Variants in SLC39A10 observed in about 807,000 individuals in gnomAD.
The protein encoded by SLC39A10 is solute carrier family 39 member 10, also known as zinc transporter ZIP10.
A neutral mutation model predicts 65.1 loss-of-function variants in SLC39A10; 13 were observed. The ratio of observed to expected loss-of-function variants is 0.20; its 90% CI spans 0.13 to 0.32. The LOEUF (loss-of-function observed/expected upper bound fraction) is 0.32, where lower values mean the gene tolerates loss of function less well. Ranked by LOEUF, SLC39A10 falls within the 10% of genes least tolerant of loss-of-function variation. The pLI is 1.00. For missense variants in SLC39A10, 831 were observed against 1,018.4 expected, an observed-to-expected ratio of 0.82 and a Z score of 2.50; for synonymous variants, 321 against 342.2, an observed-to-expected ratio of 0.94 and a Z score of 0.68.
At chr2:195,703,906 G>A (rs1302263068) in intron 3 of SLC39A10, among the ~76,000 whole-genome samples, 6 of 152,158 alleles carry the variant, frequency 3.9e-5, no homozygotes, top group Admixed American at 2.0e-4. Context: ...TGTCTGCCTC[G>A]ACCTCCCAAA....
chr2:195,730,986 C>G (rs1692416389), intron 9 of SLC39A10, among the ~76,000 whole-genome samples: 1 of 152,166 alleles, frequency 6.6e-6, no homozygotes, highest in Non-Finnish European at 1.5e-5. Flanking sequence ...CAAGCCACCA[C>G]CATCTTTCTC....
chr2:195,623,318 G>A (rs1688389059), intron 2 of SLC39A10, among the ~76,000 whole-genome samples: 1 of 152,146 alleles, frequency 6.6e-6, no homozygotes, highest in Non-Finnish European at 1.5e-5. Context: ...GACAATAGGA[G>A]TTTCCCTCCT....
At chr2:195,668,566 T>G (rs934035487) in intron 1 of SLC39A10, among the ~76,000 whole-genome samples, 1 of 152,246 alleles carries the variant, frequency 6.6e-6, no homozygotes, top group African/African-American at 2.4e-5. Context: ...TGTGTGCATG[T>G]GCACATGTGC....
In SLC39A10 at chr2:195,728,881, C is replaced by T. The variant is rs1011175147; in HGVS notation, c.2337+532C>T. Among the ~76,000 whole-genome samples, 3 of 151,528 alleles carry T rather than the reference C, an allele frequency of 2.0e-5. No individual in the cohort carries two copies. The highest frequency in any genetic ancestry group is 6.6e-5 in the Admixed American group (1 of 15,224). On this transcript the variant is annotated intron_variant, in intron 9 of 9. Transcript: ENST00000359634. The surrounding 1 kb of genome is among the most constrained non-coding windows in gnomAD (Gnocchi z 4.4). ...TTAGACAGTGTATTTACAGAACTAGCAATTAGGTTTTTATGTTTGTTTGTT... is the reference window on the plus strand; with the variant it reads ...TTAGACAGTGTATTTACAGAACTAGTAATTAGGTTTTTATGTTTGTTTGTT...
chr2:195,639,669 C>T (rs932106708), intron 2 of SLC39A10, among the ~76,000 whole-genome samples: 6 of 152,266 alleles, frequency 3.9e-5, no homozygotes, highest in East Asian at 1.9e-4. Flanking sequence ...CTGCAACCTT[C>T]ACCTCCTGGG....
Position 195,696,472 on chromosome 2 carries a change from A to T in SLC39A10, c.1217-10144A>T, listed in dbSNP as rs1690965657. ...AGATTCAACCAACCCAAGGACCAAA[A>T]ATATTTGGGGAAAATATAAAAATAA... On this transcript the variant is annotated intron_variant, in intron 3 of 9. Coordinates refer to ENST00000359634, the MANE Select transcript of SLC39A10 (RefSeq NM_020342.3). 2.0e-5 allele frequency among the ~76,000 whole-genome samples: 3 copies of T among 152,272 alleles called. No individual in the cohort carries two copies. The South Asian group carries it at 6.2e-4, about 32-fold the overall frequency.
chr2:195,638,464 C>G (rs978546028), intron 2 of SLC39A10, among the ~76,000 whole-genome samples: 2 of 151,988 alleles, frequency 1.3e-5, no homozygotes, highest in East Asian at 1.9e-4. Flanking sequence ...CTTAGCCTCC[C>G]GAGTAGCTGA....
chr2:195,733,694 C>T (rs1389259799), intron 9 of SLC39A10, among the ~76,000 whole-genome samples: 1 of 151,980 alleles, frequency 6.6e-6, no homozygotes, highest in African/African-American at 2.4e-5. Flanking sequence ...CCATGCCCAG[C>T]TGATTTTGTA....
rs201194927 is a variant in SLC39A10, at chr2:195,680,205, G to A, written c.163G>A (p.Ala55Thr). 1.2e-6 allele frequency: 2 copies of A among 1,613,950 alleles called. No homozygotes were observed. Among genetic ancestry groups the A allele is most frequent in the Admixed American group, 1.7e-5 (1 of 60,004 alleles). Residue 55 changes from alanine (A) to threonine (T), a missense_variant, in exon 2 of 10, where the codon GCT becomes ACT. By Grantham distance (58) the Ala-to-Thr change is moderately conservative (BLOSUM62 0). This residue lies in a region of SLC39A10 where 446 missense variants were observed against 499.2 expected (regional missense o/e 0.89). Coordinates refer to ENST00000359634, the MANE Select transcript of SLC39A10 (RefSeq NM_020342.3). ...GGAGCCAAGCAAATTTTCAAAGCAAGCTGCTGAAAATGAAAAAAAATACTA... is the reference window on the plus strand; with the variant it reads ...GGAGCCAAGCAAATTTTCAAAGCAAACTGCTGAAAATGAAAAAAAATACTA... Reference protein sequence around the residue: ...ELEPSKFSKQAAENEKKYYIE... With the variant: ...ELEPSKFSKQTAENEKKYYIE...
chr2:195,656,112 GT>G (rs1689138735), upstream of SLC39A10, among the ~76,000 whole-genome samples: 1 of 152,120 alleles, frequency 6.6e-6, no homozygotes, highest in Admixed American at 6.6e-5. Flanking sequence ...GCTGTTCATG[GT>G]TTTATTTTCT....
At chr2:195,687,368 T>C (rs772399442) in intron 3 of SLC39A10, among the ~76,000 whole-genome samples, 8 of 152,200 alleles carry the variant, frequency 5.3e-5, no homozygotes, top group Non-Finnish European at 1.0e-4. Flanking sequence ...TGTTGTTATG[T>C]TACCTGTGGA....
In SLC39A10 at chr2:195,702,267, C is replaced by T. The variant is rs375096547; in HGVS notation, c.1217-4349C>T. ...AATCAGTGATCAGAGTACAGATCCT[C>T]AATATTTGGGGAGCAAAATACATTT... On this transcript the variant is annotated intron_variant, in intron 3 of 9. Coordinates refer to ENST00000359634, the MANE Select transcript of SLC39A10 (RefSeq NM_020342.3). Among the ~76,000 whole-genome samples, 8 of 152,118 alleles carry T rather than the reference C, an allele frequency of 5.3e-5. 1 individual carries two copies. In the East Asian group the frequency reaches 5.8e-4, roughly 11 times the overall value.
rs1209610891 is a variant in SLC39A10 at position 195,680,813 on chromosome 2, G to T, written c.771G>T (p.Gln257His). The part of the protein sequence containing the change: ...ITPGFPPNHD[Q>H]GEQYEHNRVH... The stretch of plus-strand genomic sequence containing the variant: ...CAGGTTTTCCCCCTAACCATGATCA[G>T]GGTGAACAGTATGAGCATAATCGGG... Residue 257 changes from glutamine (Q) to histidine (H), a missense_variant, in exon 2 of 10, where the codon CAG (glutamine) becomes CAT (histidine). Physicochemically the swap from Gln to His is conservative, Grantham distance 24. Coordinates refer to ENST00000359634, the MANE Select transcript of SLC39A10 (RefSeq NM_020342.3). 4 of 1,614,120 alleles carry T rather than the reference G, an allele frequency of 2.5e-6. No individual in the cohort carries two copies. Among genetic ancestry groups the T allele is most frequent in the Non-Finnish European group, 3.4e-6 (4 of 1,180,022 alleles).
At position 195,716,827 on chromosome 2, in the gene SLC39A10, C is replaced by T. The variant is rs1348616097; in HGVS notation, c.1887C>T (p.His629=). Residue 629 remains histidine (H), a synonymous_variant, in exon 7 of 10, where the codon CAC becomes CAT. Transcript: ENST00000359634. Reference sequence around the variant, plus strand: ...TCCATGCTGCTGCACATAACCACCACGGCGAGAACAAAACTGTGCTGAGGA... The same window carrying T: ...TCCATGCTGCTGCACATAACCACCATGGCGAGAACAAAACTGTGCTGAGGA... ...HDLHAAAHNH[H]GENKTVLRKH... The T allele has an allele frequency of 5.6e-6, 9 of 1,614,068 alleles. No individual in the cohort carries two copies. Among genetic ancestry groups the T allele is most frequent in the African/African-American group, 4.0e-5 (3 of 74,926 alleles).
In SLC39A10 at chr2:195,622,182, A is replaced by G. The variant is rs189188304; in HGVS notation, c.-12+15949A>G. On this transcript the variant is annotated intron_variant, in intron 2 of 2. Coordinates refer to the SLC39A10 transcript ENST00000458054. ...GCAGTTTGAGACCAGTCTGGCCAAC[A>G]TGGGGAAACCCTGTCTCTACAAAAA... is the stretch of plus-strand genomic sequence containing the variant. Among the ~76,000 whole-genome samples, 277 of 152,122 alleles carry G rather than the reference A, an allele frequency of 1.8e-3. 5 individuals carry two copies. The highest frequency in any genetic ancestry group is 6.4e-3 in the African/African-American group (265 of 41,492).
intron 2 of SLC39A10, among the ~76,000 whole-genome samples, chr2:195,617,249 C>G (rs1328463845): frequency 6.6e-6 from 1 of 152,042 alleles, no homozygotes; most frequent in Admixed American, 6.6e-5. Flanking sequence ...GTCCAAATAT[C>G]TTTTTAAAAA....
rs755031340 is a variant in SLC39A10 at position 195,713,537 on chromosome 2, A to G, written c.1680A>G (p.Gln560=). ...LNNTPDSDWL[Q]LKPLAGTDDS... ...ATACACCAGATTCTGACTGGCTTCA[A>G]CTCAAGCCTCTTGCCGGTAGACAGC... Residue 560 remains glutamine (Q), a synonymous_variant, in exon 6 of 10, where the codon CAA becomes CAG. Coordinates refer to ENST00000359634, the MANE Select transcript of SLC39A10 (RefSeq NM_020342.3). 8 of 1,562,472 alleles carry G rather than the reference A, an allele frequency of 5.1e-6. No individual in the cohort carries two copies. Among genetic ancestry groups the G allele is most frequent in the African/African-American group, 1.4e-5 (1 of 71,084 alleles).
At chr2:195,667,975 A>T (rs1689700782) in intron 1 of SLC39A10, among the ~76,000 whole-genome samples, 1 of 152,258 alleles carries the variant, frequency 6.6e-6, no homozygotes, top group Non-Finnish European at 1.5e-5. Context: ...TAGAACAGAA[A>T]TTAACAGTCC....
At chr2:195,697,098 A>T (rs1284968914) in intron 3 of SLC39A10, among the ~76,000 whole-genome samples, 1 of 152,138 alleles carries the variant, frequency 6.6e-6, no homozygotes, top group Non-Finnish European at 1.5e-5. Flanking sequence ...TGTTGGTCTT[A>T]ACTGTCTCAG....
Sources: allele counts gnomAD v4.1 joint callset (sites outside exome capture counted in the v4.1 genomes callset), GRCh38; gene constraint gnomAD v4.1.1; regional missense constraint gnomAD v4.1.1; non-coding constraint Gnocchi (gnomAD v3.1); transcripts MANE v1.5; gene names NCBI Gene and HGNC (gene_info 2026-07-23, HGNC 2026-07-21).